Variants in RBFOX1 observed in about 807,000 individuals in gnomAD.
The protein encoded by RBFOX1 is RNA binding protein fox-1 homolog 1.
RBFOX1 carries 8 observed loss-of-function variants against 57.7 expected under a neutral mutation model. The ratio of observed to expected loss-of-function variants is 0.14; its 90% CI spans 0.08 to 0.25. RBFOX1 has a LOEUF of 0.25. Among genes scored for constraint, RBFOX1 ranks in the 10% least tolerant of loss-of-function variants. The pLI is 1.00. For missense variants in RBFOX1, 611 were observed against 548.5 expected (o/e 1.11, Z -1.14); for synonymous variants, 326 against 222.4 (o/e 1.47, Z -4.15).
At chr16:7,255,596 T>C (rs1036949542) in intron 4 of RBFOX1, among the ~76,000 whole-genome samples, 2 of 152,196 alleles carry the variant, frequency 1.3e-5, no homozygotes, top group African/African-American at 4.8e-5. Context: ...TGTGCATGCA[T>C]GGGCGTATCC....
rs192484728 is a variant in RBFOX1 at position 6,204,173 on chromosome 16, T to C, written c.-126-112822T>C. 5.3e-3 allele frequency among the ~76,000 whole-genome samples: 806 copies of C among 152,284 alleles called. 5 individuals carry two copies. The highest frequency in any genetic ancestry group is 0.02 in the Middle Eastern group (6 of 294). On this transcript the variant is annotated intron_variant, in intron 1 of 15. Transcript: ENST00000550418. Reference sequence around the variant, plus strand: ...TACTCAACTTTGGAATCTTCCCTTTTCCTCCCCTACCCTCACCTCATCTTT... The same window carrying C: ...TACTCAACTTTGGAATCTTCCCTTTCCCTCCCCTACCCTCACCTCATCTTT...
intron 2 of RBFOX1, among the ~76,000 whole-genome samples, chr16:5,540,458 T>C (rs1403784082): frequency 6.6e-6 from 1 of 152,216 alleles, no homozygotes; most frequent in African/African-American, 2.4e-5. Context: ...TAACTCTTAG[T>C]GTTCCCAAAC....
chr16:6,614,573 C>G (rs1056724529), intron 2 of RBFOX1, among the ~76,000 whole-genome samples: 1 of 152,146 alleles, frequency 6.6e-6, no homozygotes, highest in Non-Finnish European at 1.5e-5. Context: ...ATGTCTTCGC[C>G]TAGTTCTGGA....
In RBFOX1 at chr16:7,710,769, C is replaced by T. The variant is rs745618488; in HGVS notation, c.*24C>T. On this transcript the variant is annotated 3_prime_UTR_variant, in exon 16 of 16. Transcript: ENST00000550418. ...AAATGACAAAACCATAAAAACCTTC[C>T]AATGTGGGGAGAAAGGAAGCTTTCC... The T allele has an allele frequency of 6.6e-6, 10 of 1,522,482 alleles. No individual in the cohort carries two copies. The highest frequency in any genetic ancestry group is 8.8e-6 in the Non-Finnish European group (10 of 1,134,524). The allele number at this position is 1,522,482 out of a possible 1,614,324, so 94.3% of individuals were successfully genotyped here. A position where few individuals can be genotyped will look rare whatever the true frequency, so the allele number is the denominator to read the frequency against.
rs372736729 is a variant in RBFOX1 at position 5,470,471 on chromosome 16, C to T, written c.258+3217C>T. 1.1e-4 allele frequency among the ~76,000 whole-genome samples: 16 copies of T among 152,192 alleles called. No individual in the cohort carries two copies. The South Asian group carries it at 1.2e-3, about 12-fold the overall frequency. ...GTTGTTTAACCCAGATACACATGCA[C>T]ACATTCTCTCTGTCTGTCTCTCTCA... On this transcript the variant is annotated intron_variant, in intron 2 of 2. Transcript: ENST00000585867.
rs189982466 is a variant in RBFOX1, at chr16:5,695,075, A to C, written c.318+96114A>C. ...GACAGTAATATATGTTTTTATTGAT[A>C]AATTGGCAAATACAACAGTGTGTAA... On this transcript the variant is annotated intron_variant, in intron 3 of 19. Coordinates refer to the RBFOX1 transcript ENST00000641259. Among the ~76,000 whole-genome samples, 6 of 152,178 alleles carry C rather than the reference A, an allele frequency of 3.9e-5. No homozygotes were observed. In the East Asian group the frequency reaches 9.7e-4, roughly 25 times the overall value.
At chr16:5,482,071 C>T (rs1278256966) in intron 2 of RBFOX1, among the ~76,000 whole-genome samples, 1 of 152,088 alleles carries the variant, frequency 6.6e-6, no homozygotes, top group Non-Finnish European at 1.5e-5. Flanking sequence ...GGACCCTGTC[C>T]AAGTAAGGAT....
intron 1 of RBFOX1, among the ~76,000 whole-genome samples, chr16:6,303,238 C>T (rs1459775075): frequency 1.3e-5 from 2 of 152,192 alleles, no homozygotes; most frequent in Admixed American, 6.5e-5. Flanking sequence ...AGCTTAGTTC[C>T]GATCACTTCA....
chr16:5,433,287 C>G (rs1327785947), intron 1 of RBFOX1, among the ~76,000 whole-genome samples: 1 of 152,200 alleles, frequency 6.6e-6, no homozygotes, highest in African/African-American at 2.4e-5. Flanking sequence ...GCAGGCCTGT[C>G]TCTTGTGAGA....
Position 6,600,047 on chromosome 16 carries a change from C to A in RBFOX1, c.-63-54556C>A, listed in dbSNP as rs542286804. On this transcript the variant is annotated intron_variant, in intron 2 of 15. Transcript: ENST00000550418. ...TGCAAAGGGCATCTGGGTGGCACTG[C>A]TGGGACTGGAACATGTAGAGGAAGA... is the stretch of plus-strand genomic sequence containing the variant. Among the ~76,000 whole-genome samples, 3 of 152,288 alleles carry A rather than the reference C, an allele frequency of 2.0e-5. No individual in the cohort carries two copies. The East Asian group carries it at 5.8e-4, about 29-fold the overall frequency.
At chr16:5,297,811 T>A (rs2063705532) in intron 1 of RBFOX1, among the ~76,000 whole-genome samples, 1 of 152,228 alleles carries the variant, frequency 6.6e-6, no homozygotes, top group African/African-American at 2.4e-5. Flanking sequence ...CTACACCGAC[T>A]TGGTATTAAA....
At chr16:5,427,921 C>CA (rs1241558046) in intron 1 of RBFOX1, among the ~76,000 whole-genome samples, 3 of 152,228 alleles carry the variant, frequency 2.0e-5, no homozygotes, top group Non-Finnish European at 4.4e-5. Flanking sequence ...TTGATGTACA[C>CA]AATTAACCAT....
intron 12 of RBFOX1, among the ~76,000 whole-genome samples, chr16:7,659,585 AAAAAAAG>A (rs1252409715): frequency 2.6e-5 from 4 of 151,256 alleles, no homozygotes; most frequent in East Asian, 1.9e-4. Context: ...GCTGATGAGC[AAAAAAAG>A]AAAAAAGAAA....
intron 4 of RBFOX1, among the ~76,000 whole-genome samples, chr16:7,214,076 G>GA (rs36099134): frequency 0.045 from 6,722 of 148,308 alleles, 392 homozygotes; most frequent in African/African-American, 0.13. Flanking sequence ...GCTTGCTATG[G>GA]AAAAAAAAAA....
rs9889008 is a variant in RBFOX1, at chr16:6,841,965, C to T, written c.-16+187315C>T. On this transcript the variant is annotated intron_variant, in intron 3 of 15. Transcript: ENST00000550418. The stretch of plus-strand genomic sequence containing the variant: ...CATCCTGGCTAATACGGTGAAACCC[C>T]GTCTCTATTAAAAAAAAAATACAAA... Among the ~76,000 whole-genome samples, 1,225 of 134,152 alleles carry T rather than the reference C, an allele frequency of 9.1e-3. 16 individuals carry two copies. The highest frequency in any genetic ancestry group is 0.035 in the African/African-American group (1,157 of 33,182). 88.0% of individuals were successfully genotyped at this position (134,152 alleles called of 152,430 possible).
intron 4 of RBFOX1, chr16:7,332,666 C>A: frequency 1.5e-6 from 1 of 689,398 alleles, no homozygotes; most frequent in Non-Finnish European, 1.9e-6. Context: ...CTTGGTCTCT[C>A]TCTCTGTCTC....
At chr16:6,450,025 G>A (rs2094558113) in intron 2 of RBFOX1, among the ~76,000 whole-genome samples, 1 of 152,152 alleles carries the variant, frequency 6.6e-6, no homozygotes, top group Non-Finnish European at 1.5e-5. Context: ...TTGCAATTTG[G>A]GGTAATATTA....
At chr16:6,656,307 T>G (rs1252177117) in intron 3 of RBFOX1, among the ~76,000 whole-genome samples, 1 of 152,186 alleles carries the variant, frequency 6.6e-6, no homozygotes, top group Non-Finnish European at 1.5e-5. Flanking sequence ...CCGGTATCTT[T>G]TTTAAAAATT....
intron 1 of RBFOX1, among the ~76,000 whole-genome samples, chr16:5,273,586 A>G (rs948273194): frequency 1.3e-5 from 2 of 152,188 alleles, no homozygotes; most frequent in African/African-American, 2.4e-5. Flanking sequence ...AGGAGCTGCC[A>G]TCTGTGTTTA....
Sources: gnomAD v4.1 joint callset for allele counts (sites outside exome capture counted in the v4.1 genomes callset) on GRCh38, gnomAD v4.1.1 for gene constraint, MANE v1.5 for transcripts, NCBI Gene and HGNC (gene_info 2026-07-23, HGNC 2026-07-21) for gene names.